The following KAZN variants were observed in gnomAD, a reference collection of about 807,000 sequenced individuals.
KAZN encodes kazrin, periplakin interacting protein.
A neutral mutation model predicts 87.4 loss-of-function variants in KAZN; 40 were observed. That is an observed-to-expected ratio of 0.46 (90% CI 0.36 to 0.60). KAZN has a LOEUF of 0.60. KAZN is among the 20% of genes least tolerant of loss of function. KAZN has a pLI of 0.00. For synonymous variants in KAZN, 466 were observed against 458.3 expected (o/e 1.02, Z -0.22); for missense variants, 898 against 1,073.9 (o/e 0.84, Z 2.29).
chr1:13,943,828 C>A (rs1641032658), intron 1 of KAZN, among the ~76,000 whole-genome samples: 1 of 152,136 alleles, frequency 6.6e-6, no homozygotes, highest in South Asian at 2.1e-4. Flanking sequence ...ATTAAAATCA[C>A]AATGGTATAC....
intron 8 of KAZN, among the ~76,000 whole-genome samples, chr1:15,091,384 G>T (rs886692288): frequency 1.3e-5 from 2 of 152,058 alleles, no homozygotes; most frequent in South Asian, 4.1e-4. Context: ...TTGTTCTGTC[G>T]CCCAGACTGG....
At chr1:14,794,561 G>A (rs1438702614) in intron 1 of KAZN, among the ~76,000 whole-genome samples, 1 of 152,188 alleles carries the variant, frequency 6.6e-6, no homozygotes. Flanking sequence ...CTGGTGTGTG[G>A]TGTTTGCCAA....
At chr1:14,446,581 G>A (rs918286836) in intron 2 of KAZN, among the ~76,000 whole-genome samples, 4 of 152,132 alleles carry the variant, frequency 2.6e-5, no homozygotes, top group East Asian at 3.9e-4. Flanking sequence ...GGTTGGCAGC[G>A]GTGGTGGTCT....
chr1:14,969,953 A>G (rs1343740854), intron 2 of KAZN, among the ~76,000 whole-genome samples: 1 of 152,034 alleles, frequency 6.6e-6, no homozygotes, highest in Non-Finnish European at 1.5e-5. Flanking sequence ...AGCTGGGATT[A>G]CAGGCGCCCG....
At chr1:14,610,064 C>A (rs921508355) in intron 1 of KAZN, among the ~76,000 whole-genome samples, 5 of 152,228 alleles carry the variant, frequency 3.3e-5, no homozygotes, top group African/African-American at 1.2e-4. Flanking sequence ...ATACTCTGAG[C>A]CTCCTGTCCA....
At chr1:14,966,479 T>C (rs1664469786) in intron 2 of KAZN, among the ~76,000 whole-genome samples, 1 of 152,174 alleles carries the variant, frequency 6.6e-6, no homozygotes, top group Non-Finnish European at 1.5e-5. Flanking sequence ...AGTTTTGTAT[T>C]AATAGTTGGA....
intron 1 of KAZN, among the ~76,000 whole-genome samples, chr1:14,663,051 G>A (rs544123946): frequency 7.3e-4 from 110 of 151,240 alleles, no homozygotes; most frequent in African/African-American, 2.6e-3. Context: ...GCTCACTGTA[G>A]CCTTGACCTC....
At chr1:14,545,935 T>A (rs1471526243) in intron 2 of KAZN, among the ~76,000 whole-genome samples, 2 of 152,082 alleles carry the variant, frequency 1.3e-5, no homozygotes, top group African/African-American at 2.4e-5. Context: ...GGAAGTATGA[T>A]CCTACCATGT....
At chr1:14,944,916 T>A (rs1160533440) in intron 1 of KAZN, among the ~76,000 whole-genome samples, 1 of 152,222 alleles carries the variant, frequency 6.6e-6, no homozygotes, top group Non-Finnish European at 1.5e-5. Flanking sequence ...CCAGCTGATC[T>A]GCATTCTGGG....
chr1:14,811,258 A>T (rs1464074888), intron 1 of KAZN, among the ~76,000 whole-genome samples: 1 of 152,166 alleles, frequency 6.6e-6, no homozygotes, highest in Non-Finnish European at 1.5e-5. Flanking sequence ...TTATGTGTTT[A>T]TATAACACAG....
At position 14,060,829 on chromosome 1, in the gene KAZN, G is replaced by T. The variant is rs559814582; in HGVS notation, c.92-119606G>T. On this transcript the variant is annotated intron_variant, in intron 1 of 16. Transcript: ENST00000636203. ...ATCCTGGAATAGCAGGCAAAATCCA[G>T]GACCATCTTGGGCAAATTGGGATGT... 6.6e-5 allele frequency among the ~76,000 whole-genome samples: 10 copies of T among 152,322 alleles called. No individual in the cohort carries two copies. The South Asian group carries it at 2.1e-3, about 32-fold the overall frequency.
At chr1:14,491,239 A>G (rs1443795280) in intron 2 of KAZN, among the ~76,000 whole-genome samples, 1 of 152,104 alleles carries the variant, frequency 6.6e-6, no homozygotes, top group Non-Finnish European at 1.5e-5. Context: ...CTTTTTCTCT[A>G]TTTGATAGTT....
At chr1:14,179,487 T>C (rs1277941888) in intron 1 of KAZN, among the ~76,000 whole-genome samples, 1 of 152,248 alleles carries the variant, frequency 6.6e-6, no homozygotes, top group Non-Finnish European at 1.5e-5. Flanking sequence ...ATCTGGACCC[T>C]CATGGCCAAA....
rs966717595 is a variant in KAZN at position 15,020,921 on chromosome 1, G to A, written c.419-13828G>A. 1.7e-4 allele frequency among the ~76,000 whole-genome samples: 26 copies of A among 152,246 alleles called. No individual in the cohort carries two copies. In the East Asian group the frequency reaches 3.1e-3, roughly 18 times the overall value. On this transcript the variant is annotated intron_variant, in intron 2 of 14. Transcript: ENST00000376030. Reference sequence around the variant, plus strand: ...ATTGTCTGGCTCCGGGTTCTCACTCGTGAGCTCTGCTCTCTGCAGCCTCTC... The same window carrying A: ...ATTGTCTGGCTCCGGGTTCTCACTCATGAGCTCTGCTCTCTGCAGCCTCTC...
At chr1:14,743,020 G>A (rs189306915) in intron 1 of KAZN, among the ~76,000 whole-genome samples, 1 of 152,300 alleles carries the variant, frequency 6.6e-6, no homozygotes, top group African/African-American at 2.4e-5. Context: ...TCTTTGCTTT[G>A]GTGGATTTGA....
chr1:14,508,493 C>T (rs1670729606), intron 2 of KAZN, among the ~76,000 whole-genome samples: 1 of 152,164 alleles, frequency 6.6e-6, no homozygotes, highest in South Asian at 2.1e-4. Flanking sequence ...TTAAGACCTT[C>T]CTTAAACAAT....
At chr1:14,463,747 T>C (rs189303288) in intron 2 of KAZN, among the ~76,000 whole-genome samples, 72 of 152,292 alleles carry the variant, frequency 4.7e-4, no homozygotes, top group African/African-American at 1.7e-3. Context: ...GGCATCAGTT[T>C]ATATGCTTTC....
intron 1 of KAZN, among the ~76,000 whole-genome samples, chr1:13,906,363 A>C (rs942089914): frequency 3.3e-5 from 5 of 152,172 alleles, no homozygotes; most frequent in Non-Finnish European, 7.3e-5. Flanking sequence ...TGGAGAGAGA[A>C]ATACAGAGCC....
At chr1:14,979,851 G>A (rs1351121093) in intron 2 of KAZN, among the ~76,000 whole-genome samples, 1 of 152,124 alleles carries the variant, frequency 6.6e-6, no homozygotes, top group African/African-American at 2.4e-5. Context: ...CTGATTCATA[G>A]AGTTTAGAAC....
Sources: allele counts gnomAD v4.1 joint callset (sites outside exome capture counted in the v4.1 genomes callset), GRCh38; gene constraint gnomAD v4.1.1; transcripts MANE v1.5; gene names NCBI Gene and HGNC (gene_info 2026-07-23, HGNC 2026-07-21).